The following NCAPD3 variants were observed in gnomAD, a reference collection of about 807,000 sequenced individuals.
The protein encoded by NCAPD3 is condensin-2 complex subunit D3.
In NCAPD3, 105 loss-of-function variants were observed where a neutral mutation model predicts 182.9. That is an observed-to-expected ratio of 0.57 (90% confidence interval 0.49 to 0.68). The LOEUF is 0.68. Ranked by LOEUF, NCAPD3 falls within the 30% of genes least tolerant of loss-of-function variation. The pLI, the probability that NCAPD3 is intolerant of heterozygous loss-of-function variation, is 0.00. For missense variants in NCAPD3, 1,944 were observed against 1,837.0 expected, an observed-to-expected ratio of 1.06 and a Z score of -1.07; for synonymous variants, 815 against 679.9, an observed-to-expected ratio of 1.20 and a Z score of -3.09.
At chr11:134,220,222 T>A (rs1285002328) in intron 2 of NCAPD3, among the ~76,000 whole-genome samples, 1 of 152,014 alleles carries the variant, frequency 6.6e-6, no homozygotes. Flanking sequence ...GGTTTTGCCA[T>A]GTTGCCCAGG....
intron 32 of NCAPD3, among the ~76,000 whole-genome samples, chr11:134,154,369 G>C (rs1943354613): frequency 6.6e-6 from 1 of 152,054 alleles, no homozygotes; most frequent in African/African-American, 2.4e-5. Flanking sequence ...GTCCCAAGCT[G>C]CCTTTACAGA....
At chr11:134,164,609 C>T (rs578258928) in intron 27 of NCAPD3, among the ~76,000 whole-genome samples, 20 of 150,854 alleles carry the variant, frequency 1.3e-4, no homozygotes, top group Admixed American at 1.3e-3. Flanking sequence ...AGGGGAGCTG[C>T]ACACTCACTT....
intron 27 of NCAPD3, 97 bp downstream of exon 27, chr11:134,167,896 TGTG>T: frequency 9.9e-7 from 1 of 1,015,030 alleles, no homozygotes; most frequent in Non-Finnish European, 1.5e-6. Context: ...CACACTCACT[TGTG>T]AGATGAGCTT....
chr11:134,162,791 C>A (rs1249777310), intron 27 of NCAPD3, among the ~76,000 whole-genome samples: 3 of 152,184 alleles, frequency 2.0e-5, no homozygotes, highest in African/African-American at 4.8e-5. Flanking sequence ...AAGAGCTAAC[C>A]CTCTGAGGAT....
chr11:134,170,109 G>A (rs1430553417), intron 24 of NCAPD3, among the ~76,000 whole-genome samples: 2 of 152,172 alleles, frequency 1.3e-5, no homozygotes, highest in Non-Finnish European at 2.9e-5. Context: ...TTAAAAATCA[G>A]AGAAGGTAGA....
chr11:134,225,431 G>A, upstream of NCAPD3: 7 of 1,346,498 alleles, frequency 5.2e-6, no homozygotes, highest in Middle Eastern at 1.8e-4. Flanking sequence ...CTCCGGCGAG[G>A]CCTGTCACAG....
chr11:134,157,809 T>C (rs947875090), intron 31 of NCAPD3, 119 bp downstream of exon 31: 1 of 1,138,496 alleles, frequency 8.8e-7, no homozygotes, highest in South Asian at 1.9e-5. Context: ...AAAGCCCAAT[T>C]AACGTTATTT....
chr11:134,223,819 G>C (rs530078201), intron 1 of NCAPD3, 44 bp downstream of exon 1: 555 of 1,595,266 alleles, frequency 3.5e-4, no homozygotes, highest in Middle Eastern at 1.9e-3. Flanking sequence ...GGACGCATAG[G>C]ACCCTCGCCC....
rs114882081 is a variant in NCAPD3, at chr11:134,195,022, T to C, written c.1616-284A>G. ...CTCTTCCATTTTGTTTAGCTACAAA[T>C]AGGAGTATCTAACCCATAGGATTAT... On this transcript the variant is annotated intron_variant, in intron 13 of 34. Transcript: ENST00000534548. 4.2e-3 allele frequency among the ~76,000 whole-genome samples: 633 copies of C among 152,346 alleles called. 4 individuals carry two copies. Among genetic ancestry groups the C allele is most frequent in the African/African-American group, 0.015 (606 of 41,578 alleles).
At chr11:134,177,049 C>T (rs537019483) in intron 23 of NCAPD3, among the ~76,000 whole-genome samples, 170 bp downstream of exon 23, 3 of 152,292 alleles carry the variant, frequency 2.0e-5, no homozygotes, top group South Asian at 2.1e-4. Context: ...CAAGTAACGC[C>T]GTTTAGAAGG....
chr11:134,205,620 G>A (rs1368771269), intron 8 of NCAPD3, among the ~76,000 whole-genome samples: 3 of 151,872 alleles, frequency 2.0e-5, no homozygotes, highest in African/African-American at 2.4e-5. Context: ...CAGGTGATCC[G>A]CCCGCCTCGG....
At position 134,157,892 on chromosome 11, in the gene NCAPD3, T is replaced by C. The variant is rs780754262; in HGVS notation, c.4174+36A>G. 3.2e-6 allele frequency: 5 copies of C among 1,579,036 alleles called. No homozygotes were observed. In the Admixed American group the frequency reaches 8.9e-5, roughly 28 times the overall value. On this transcript the variant is annotated intron_variant, in intron 31 of 34. Coordinates refer to ENST00000534548, the MANE Select transcript of NCAPD3 (RefSeq NM_015261.3). ...CTTGTTCTGTGTTTTCATCTGTAAA[T>C]GCTCTACTGTGTCTGGCACCAAACA...
intron 13 of NCAPD3, among the ~76,000 whole-genome samples, chr11:134,199,146 G>C (rs1176362144): frequency 1.3e-5 from 2 of 151,850 alleles, no homozygotes; most frequent in Admixed American, 6.6e-5. Context: ...TTTTAAAAAA[G>C]AACAAAGGGA....
chr11:134,202,932 A>T (rs1408082075), intron 12 of NCAPD3, 27 bp from the exon 13 acceptor site: 2 of 1,537,970 alleles, frequency 1.3e-6, no homozygotes, highest in Non-Finnish European at 1.8e-6. Flanking sequence ...ACAGTCATTA[A>T]GCTAAAAATG....
chr11:134,175,554 A>G (rs1279264252), intron 24 of NCAPD3, among the ~76,000 whole-genome samples: 1 of 152,240 alleles, frequency 6.6e-6, no homozygotes, highest in African/African-American at 2.4e-5. Context: ...TTAGATCCAG[A>G]GGGACCCACT....
intron 19 of NCAPD3, among the ~76,000 whole-genome samples, chr11:134,182,004 A>C (rs1004010287): frequency 1.3e-5 from 2 of 152,222 alleles, no homozygotes; most frequent in Non-Finnish European, 2.9e-5. Context: ...ACTTGCCCTA[A>C]CGTATCTGGA....
intron 3 of NCAPD3, among the ~76,000 whole-genome samples, chr11:134,211,390 G>A (rs913666401): frequency 6.6e-6 from 1 of 152,164 alleles, no homozygotes; most frequent in Non-Finnish European, 1.5e-5. Flanking sequence ...GCTCATGCCT[G>A]TAATTCCAAC....
At chr11:134,210,534 A>T (rs572804648) in intron 3 of NCAPD3, 80 bp from the exon 4 acceptor site, 1 of 1,275,662 alleles carries the variant, frequency 7.8e-7, no homozygotes, top group East Asian at 2.4e-5. Flanking sequence ...GAAAAGTTAC[A>T]AAGCAAAACA....
At chr11:134,167,781 TGGG>T (rs989495868) in intron 27 of NCAPD3, among the ~76,000 whole-genome samples, 2 of 101,482 alleles carry the variant, frequency 2.0e-5, no homozygotes, top group Non-Finnish European at 1.9e-5. Flanking sequence ...GAGATGAGCT[TGGG>T]GGAGGTGCAC....
Sources: gnomAD v4.1 joint callset for allele counts (sites outside exome capture counted in the v4.1 genomes callset) on GRCh38, gnomAD v4.1.1 for gene constraint, MANE v1.5 for transcripts, NCBI Gene and HGNC (gene_info 2026-07-23, HGNC 2026-07-21) for gene names.